The following FAM171A1 variants were observed in gnomAD, a reference collection of about 807,000 sequenced individuals.
FAM171A1 encodes the protein protein FAM171A1.
FAM171A1 carries 23 observed loss-of-function variants against 74.9 expected under a neutral mutation model. The ratio of observed to expected loss-of-function variants is 0.31; its 90% CI spans 0.22 to 0.44. The LOEUF (loss-of-function observed/expected upper bound fraction) is 0.44. Ranked by LOEUF, FAM171A1 falls within the 20% of genes least tolerant of loss-of-function variation. FAM171A1 has a pLI of 1.00. For synonymous variants in FAM171A1, 527 were observed against 505.7 expected (o/e 1.04, Z -0.57); for missense variants, 1,162 against 1,159.2 (o/e 1.00, Z -0.03).
chr10:15,268,537 T>A (rs1309251489), intron 3 of FAM171A1, among the ~76,000 whole-genome samples: 1 of 151,950 alleles, frequency 6.6e-6, no homozygotes, highest in Non-Finnish European at 1.5e-5. Flanking sequence ...GCTCTATGTG[T>A]CCATACTGAG....
chr10:15,286,463 G>A (rs917923932), intron 1 of FAM171A1, among the ~76,000 whole-genome samples: 1 of 152,052 alleles, frequency 6.6e-6, no homozygotes, highest in African/African-American at 2.4e-5. Flanking sequence ...TGCACTTTTA[G>A]TAGAGACAGG....
At chr10:15,331,724 G>A (rs1430865263) in intron 1 of FAM171A1, among the ~76,000 whole-genome samples, 2 of 150,740 alleles carry the variant, frequency 1.3e-5, no homozygotes, top group African/African-American at 4.9e-5. Context: ...CAGGACTGAT[G>A]TTTTATATAT....
chr10:15,347,011 C>T (rs866576993), intron 1 of FAM171A1, among the ~76,000 whole-genome samples: 58 of 152,136 alleles, frequency 3.8e-4, no homozygotes, highest in African/African-American at 1.3e-3. Context: ...CTTTTTGCTA[C>T]GTCAACTGTA....
intron 6 of FAM171A1, 129 bp downstream of exon 6, chr10:15,220,815 A>T: frequency 1.4e-6 from 1 of 706,112 alleles, no homozygotes; most frequent in Non-Finnish European, 2.4e-6. Flanking sequence ...TCTCATTTTC[A>T]GACTTTTAAC....
chr10:15,218,799 T>C (rs1455190995), intron 6 of FAM171A1, among the ~76,000 whole-genome samples: 2 of 152,052 alleles, frequency 1.3e-5, no homozygotes. Context: ...TCTTGCTGTG[T>C]TGCCCAGGCT....
At position 15,212,748 on chromosome 10, in the gene FAM171A1, C is replaced by T. The variant is rs922868790; in HGVS notation, c.*167G>A. 3 of 967,410 alleles carry T rather than the reference C, an allele frequency of 3.1e-6. No homozygotes were observed. Among genetic ancestry groups the T allele is most frequent in the Non-Finnish European group, 4.5e-6 (3 of 659,586 alleles). The allele number at this position is 967,410 out of a possible 1,614,324, so 59.9% of individuals were successfully genotyped here. A position where few individuals can be genotyped will look rare whatever the true frequency, so the allele number is the denominator to read the frequency against. ...AGTCATCCTTTATTCCGAGTAATAA[C>T]TTTAATTCCTTTCTAACATTTACAC... On this transcript the variant is annotated 3_prime_UTR_variant, in exon 8 of 8. Transcript: ENST00000378116.
At chr10:15,324,831 G>C (rs934302712) in intron 1 of FAM171A1, among the ~76,000 whole-genome samples, 2 of 152,082 alleles carry the variant, frequency 1.3e-5, no homozygotes, top group African/African-American at 4.8e-5. Context: ...ACTTAGTCAC[G>C]GATTCAGTAA....
chr10:15,341,579 T>C (rs535696271), intron 1 of FAM171A1, among the ~76,000 whole-genome samples: 6 of 152,330 alleles, frequency 3.9e-5, no homozygotes, highest in African/African-American at 7.2e-5. Flanking sequence ...ACTTTGCTCA[T>C]GGTAAAAACA....
chr10:15,221,055 A>G lies in FAM171A1; in HGVS notation c.760T>C (p.Trp254Arg). ...ACAAGACCCAGACCGCTCTTCAGCC[A>G]CGTTCCTGTGGAATTGAGAAAGAGA... Reference protein sequence around the residue: ...AWRFDQKLGTWLKSGLGLVHQ... With the variant: ...AWRFDQKLGTRLKSGLGLVHQ... The change falls in exon 6 of 8, where the codon TGG becomes CGG. Residue 254 changes from tryptophan (W) to arginine (R), a missense_variant. Transcript: ENST00000378116. 6.2e-7 allele frequency: 1 copy of G among 1,613,956 alleles called. No homozygotes were observed. The highest frequency in any genetic ancestry group is 1.6e-4 in the Middle Eastern group (1 of 6,062).
intron 1 of FAM171A1, among the ~76,000 whole-genome samples, chr10:15,301,576 C>T (rs182837778): frequency 1.5e-3 from 235 of 152,228 alleles, no homozygotes; most frequent in African/African-American, 4.9e-3. Flanking sequence ...AAAGAGCAGG[C>T]ATGCTTGGTG....
In FAM171A1 at chr10:15,312,673, G is replaced by T. The variant is rs867008681; in HGVS notation, c.98-28568C>A. Among the ~76,000 whole-genome samples, 220 of 36,402 alleles carry T rather than the reference G, an allele frequency of 6.0e-3. 2 individuals carry two copies. The highest frequency in any genetic ancestry group is 0.021 in the Middle Eastern group (1 of 48). 23.9% of individuals were successfully genotyped at this position (36,402 alleles called of 152,430 possible). On this transcript the variant is annotated intron_variant, in intron 1 of 7. Transcript: ENST00000378116. ...TACTGGAATGAGTTCAGCACTGTGT[G>T]TTTTTTTTTTTTTTTTTTTTTTTTT...
At chr10:15,284,847 C>G in intron 1 of FAM171A1, among the ~76,000 whole-genome samples, 1 of 150,926 alleles carries the variant, frequency 6.6e-6, no homozygotes. Context: ...CACTGGTAAT[C>G]ACAAAGGCTA....
intron 1 of FAM171A1, among the ~76,000 whole-genome samples, chr10:15,333,950 A>T (rs183982956): frequency 3.2e-4 from 49 of 152,254 alleles, no homozygotes; most frequent in African/African-American, 1.1e-3. Context: ...CATGGTCTCA[A>T]TATCAGCCTT....
intron 1 of FAM171A1, among the ~76,000 whole-genome samples, chr10:15,346,785 C>T (rs1203769918): frequency 6.6e-6 from 1 of 152,220 alleles, no homozygotes; most frequent in Non-Finnish European, 1.5e-5. Context: ...GGCAAGTGCT[C>T]ACAAGGATAG....
At chr10:15,356,886 G>A (rs1008242420) in intron 1 of FAM171A1, among the ~76,000 whole-genome samples, 8 of 152,014 alleles carry the variant, frequency 5.3e-5, no homozygotes, top group Non-Finnish European at 1.2e-4. Context: ...CAGGAGAATC[G>A]CTTGAACCTG....
intron 1 of FAM171A1, among the ~76,000 whole-genome samples, chr10:15,349,537 G>T (rs1359428012): frequency 6.6e-6 from 1 of 152,126 alleles, no homozygotes; most frequent in African/African-American, 2.4e-5. Flanking sequence ...TAGCCACACT[G>T]AGATGGCTCC....
intron 1 of FAM171A1, among the ~76,000 whole-genome samples, chr10:15,301,337 C>A (rs911264686): frequency 2.8e-5 from 4 of 144,134 alleles, no homozygotes; most frequent in East Asian, 4.2e-4. Flanking sequence ...CATGCCCACA[C>A]GCCCAGCTAT....
chr10:15,370,369 G>A (rs1004695955), intron 1 of FAM171A1, among the ~76,000 whole-genome samples: 3 of 151,962 alleles, frequency 2.0e-5, no homozygotes, highest in African/African-American at 7.2e-5. Context: ...GATAGGCAGG[G>A]GGAGAGAACC....
intron 1 of FAM171A1, among the ~76,000 whole-genome samples, chr10:15,340,296 G>A (rs971449260): frequency 6.6e-6 from 1 of 152,168 alleles, no homozygotes. Flanking sequence ...GCTTGTACAT[G>A]TGCGTGGCAG....
Sources: gnomAD v4.1 joint callset for allele counts (sites outside exome capture counted in the v4.1 genomes callset) on GRCh38, gnomAD v4.1.1 for gene constraint, MANE v1.5 for transcripts, NCBI Gene and HGNC (gene_info 2026-07-23, HGNC 2026-07-21) for gene names.